Variants in RBMS3 observed in about 807,000 individuals in gnomAD.
RBMS3 encodes RNA binding motif single stranded interacting protein 3, also known as RNA-binding motif, single-stranded-interacting protein 3.
RBMS3 carries 27 observed loss-of-function variants against 66.8 expected under a neutral mutation model. That is an observed-to-expected ratio of 0.40 (90% CI 0.30 to 0.56). The LOEUF (loss-of-function observed/expected upper bound fraction) is 0.56, where lower values mean the gene tolerates loss of function less well. Among genes scored for constraint, RBMS3 ranks in the 20% least tolerant of loss-of-function variants. RBMS3 has a pLI of 0.40. For synonymous variants in RBMS3, 188 were observed against 183.0 expected, an observed-to-expected ratio of 1.03 and a Z score of -0.22; for missense variants, 513 against 549.5, an observed-to-expected ratio of 0.93 and a Z score of 0.66.
intron 12 of RBMS3, among the ~76,000 whole-genome samples, chr3:29,946,019 A>G (rs530846991): frequency 6.6e-6 from 1 of 151,916 alleles, no homozygotes; most frequent in East Asian, 1.9e-4. Flanking sequence ...GCAGTGGAGT[A>G]TGAAGGAAGG....
At chr3:29,687,938 G>C (rs1310223842) in intron 4 of RBMS3, among the ~76,000 whole-genome samples, 1 of 152,220 alleles carries the variant, frequency 6.6e-6, no homozygotes, top group East Asian at 1.9e-4. Flanking sequence ...CCAGATTATA[G>C]ATATTTTGAT....
chr3:29,535,082 A>G (rs542267525), intron 3 of RBMS3, among the ~76,000 whole-genome samples: 1 of 152,286 alleles, frequency 6.6e-6, no homozygotes, highest in African/African-American at 2.4e-5. Context: ...TTTAGCAGAA[A>G]ACTTACAAGG....
intron 7 of RBMS3, among the ~76,000 whole-genome samples, chr3:29,878,868 C>T (rs79489300): frequency 0.026 from 3,922 of 151,628 alleles, 177 homozygotes; most frequent in African/African-American, 0.09. Flanking sequence ...ACAGTGAGAC[C>T]CCATCTCTAC....
At chr3:29,624,844 G>A (rs1473025762) in intron 4 of RBMS3, among the ~76,000 whole-genome samples, 1 of 152,140 alleles carries the variant, frequency 6.6e-6, no homozygotes, top group Admixed American at 6.5e-5. Context: ...GGAAAGGAAT[G>A]TATCTCTTGG....
At position 29,711,554 on chromosome 3, in the gene RBMS3, G is replaced by A. The variant is rs1035119744; in HGVS notation, c.400-28166G>A. 6.6e-5 allele frequency among the ~76,000 whole-genome samples: 10 copies of A among 152,078 alleles called. 1 individual carries two copies. Among genetic ancestry groups the A allele is most frequent in the Admixed American group, 5.2e-4 (8 of 15,256 alleles). Reference sequence around the variant, plus strand: ...ATTTAGAACTTGAAGGGACATTAGAGACCACCTAATCCGACCATTTTAAAC... The same window carrying A: ...ATTTAGAACTTGAAGGGACATTAGAAACCACCTAATCCGACCATTTTAAAC... On this transcript the variant is annotated intron_variant, in intron 4 of 14. Transcript: ENST00000383767.
chr3:29,364,374 C>T (rs988941631), intron 1 of RBMS3, among the ~76,000 whole-genome samples: 4 of 152,022 alleles, frequency 2.6e-5, no homozygotes, highest in African/African-American at 7.2e-5. Flanking sequence ...TGTGGCAGAC[C>T]GTGACTATAT....
intron 12 of RBMS3, among the ~76,000 whole-genome samples, chr3:29,983,058 C>A (rs1698103816): frequency 6.6e-6 from 1 of 152,062 alleles, no homozygotes; most frequent in Non-Finnish European, 1.5e-5. Flanking sequence ...CTTTGTAGGT[C>A]TCTAAGAACT....
At chr3:29,864,982 GAGGA>G (rs140205250) in intron 6 of RBMS3, among the ~76,000 whole-genome samples, 8,271 of 114,726 alleles carry the variant, frequency 0.072, 505 homozygotes, top group East Asian at 0.1. Flanking sequence ...GGGAGGGAGG[GAGGA>G]AGGAAGGAAG....
chr3:29,433,878 C>T lies in RBMS3; in HGVS notation c.76-865C>T, dbSNP rs144004138. ...TGTAATGAATTAAAACAGCGGTTCT[C>T]CCAGGGGGAGATTCCTACCAGCACC... is the stretch of plus-strand genomic sequence containing the variant. On this transcript the variant is annotated intron_variant, in intron 1 of 14. Coordinates refer to ENST00000383767, the MANE Select transcript of RBMS3 (RefSeq NM_001003793.3). Among the ~76,000 whole-genome samples, 10 of 152,254 alleles carry T rather than the reference C, an allele frequency of 6.6e-5. No individual in the cohort carries two copies. The East Asian group carries it at 1.9e-3, about 29-fold the overall frequency.
intron 12 of RBMS3, among the ~76,000 whole-genome samples, chr3:29,984,716 CTT>C (rs1698249150): frequency 6.6e-6 from 1 of 152,180 alleles, no homozygotes; most frequent in South Asian, 2.1e-4. Context: ...TCCAGACCCT[CTT>C]TGCCTGGGTA....
intron 4 of RBMS3, among the ~76,000 whole-genome samples, chr3:29,611,997 G>A (rs1262091543): frequency 4.6e-5 from 7 of 151,980 alleles, no homozygotes; most frequent in South Asian, 2.1e-4. Flanking sequence ...CTCACCCACC[G>A]GCTGTGTGAT....
chr3:29,996,994 A>G (rs1423616542), intron 14 of RBMS3, among the ~76,000 whole-genome samples: 5 of 152,056 alleles, frequency 3.3e-5, no homozygotes, highest in African/African-American at 7.3e-5. Flanking sequence ...TTTTTTGAAA[A>G]GATCAAAAAA....
chr3:29,377,383 A>G (rs764030380), intron 1 of RBMS3, among the ~76,000 whole-genome samples: 7 of 152,176 alleles, frequency 4.6e-5, no homozygotes, highest in African/African-American at 7.2e-5. Flanking sequence ...AGGTTCCCCA[A>G]TGATAACTAA....
rs533533042 is a variant in RBMS3, at chr3:29,376,492, C to G, written c.76-58251C>G. Among the ~76,000 whole-genome samples, 66 of 152,202 alleles carry G rather than the reference C, an allele frequency of 4.3e-4. 2 individuals carry two copies. The South Asian group carries it at 0.013, about 29-fold the overall frequency. On this transcript the variant is annotated intron_variant, in intron 1 of 14. Transcript: ENST00000383767. Reference sequence around the variant, plus strand: ...GCAGTTAAAAAGACACAATGTGGGCCGGGTGCGGTGGTTCACGCCTGTAAT... The same window carrying G: ...GCAGTTAAAAAGACACAATGTGGGCGGGGTGCGGTGGTTCACGCCTGTAAT...
At chr3:29,340,894 C>A (rs1473392251) in intron 1 of RBMS3, among the ~76,000 whole-genome samples, 2 of 151,636 alleles carry the variant, frequency 1.3e-5, no homozygotes, top group Admixed American at 6.6e-5. Flanking sequence ...AAGTTAAATC[C>A]TTTTTTAATA....
At position 29,928,231 on chromosome 3, in the gene RBMS3, CACACAT is replaced by C. The variant is rs1264816367; in HGVS notation, c.940-7853_940-7848del. Among the ~76,000 whole-genome samples, 236 of 145,052 alleles carry C rather than the reference CACACAT, an allele frequency of 1.6e-3. 1 individual carries two copies. Among genetic ancestry groups the C allele is most frequent in the African/African-American group, 5.2e-3 (206 of 39,528 alleles). On this transcript the variant is annotated intron_variant, in intron 10 of 14. Transcript: ENST00000383767. ...ATATATACACACACACACACACACA[CACACAT>C]ATATATGTATATATGCATACATATA... is the stretch of plus-strand genomic sequence containing the variant.
rs143981652 is a variant in RBMS3, at chr3:29,739,836, A to G, written c.516A>G (p.Leu172=). The part of the protein sequence containing the change: ...PFGHVISTRI[L]RDANGVSRGV... ...GACATGTCATTTCCACAAGAATACT[A>G]AGAGACGCTAATGGAGTCAGCAGAG... The change falls in exon 5 of 15, where the codon CTA becomes CTG. Residue 172 remains leucine (L), a synonymous_variant. Transcript: ENST00000383767. 1,747 of 1,612,460 alleles carry G rather than the reference A, an allele frequency of 1.1e-3. No homozygotes were observed. Among genetic ancestry groups the G allele is most frequent in the Non-Finnish European group, 1.4e-3 (1,650 of 1,179,356 alleles).
At chr3:29,323,691 TACACACACACACACACACACAC>T (rs10565045) in intron 1 of RBMS3, among the ~76,000 whole-genome samples, 4 of 144,378 alleles carry the variant, frequency 2.8e-5, no homozygotes, top group East Asian at 2.1e-4. Context: ...CACACACACA[TACACACACACACACACACACAC>T]ACACACACAC....
In RBMS3 at chr3:29,281,455, T is replaced by C; in HGVS notation, c.-227T>C. 1 of 547,392 alleles carries C rather than the reference T, an allele frequency of 1.8e-6. No individual in the cohort carries two copies. The highest frequency in any genetic ancestry group is 3.1e-5 in the East Asian group (1 of 31,854). 33.9% of individuals were successfully genotyped at this position (547,392 alleles called of 1,614,324 possible). On this transcript the variant is annotated 5_prime_UTR_variant, in exon 1 of 15. Coordinates refer to ENST00000383767, the MANE Select transcript of RBMS3 (RefSeq NM_001003793.3). ...GAAGGCTGTGTGTGGGTGTTTTTTCTACAGATCTCACTCCTCGCCCTTTTT... is the reference window on the plus strand; with the variant it reads ...GAAGGCTGTGTGTGGGTGTTTTTTCCACAGATCTCACTCCTCGCCCTTTTT...
Sources: allele counts gnomAD v4.1 joint callset (sites outside exome capture counted in the v4.1 genomes callset), GRCh38; gene constraint gnomAD v4.1.1; transcripts MANE v1.5; gene names NCBI Gene and HGNC (gene_info 2026-07-23, HGNC 2026-07-21).